ZNF541: variants seen among roughly 807,000 people sequenced by gnomAD.
The protein encoded by ZNF541 is zinc finger protein 541.
In ZNF541, 23 loss-of-function variants were observed where a neutral mutation model predicts 123.5. The ratio of observed to expected loss-of-function variants is 0.19; its 90% CI spans 0.13 to 0.26. ZNF541 has a LOEUF of 0.26. Ranked by LOEUF, ZNF541 falls within the 10% of genes least tolerant of loss-of-function variation. The pLI is 1.00. For missense variants in ZNF541, 1,612 were observed against 1,789.9 expected (o/e 0.90, Z 1.79); for synonymous variants, 751 against 754.5 (o/e 1.00, Z 0.08).
chr19:47,545,500 T>C lies in ZNF541; in HGVS notation c.1029A>G (p.Lys343=). The C allele has an allele frequency of 2.7e-6, 4 of 1,497,666 alleles. No homozygotes were observed. The East Asian group carries it at 9.9e-5, about 37-fold the overall frequency. 92.8% of individuals were successfully genotyped at this position (1,497,666 alleles called of 1,614,324 possible). ...ELPEEPCLPQ[K]EPATDVFTAP... is the part of the protein sequence containing the mutation. The stretch of plus-strand genomic sequence containing the variant: ...CTGTGAACACGTCAGTGGCCGGCTC[T>C]TTCTGTGGGAGGCAAGGCTCCTCGG... Residue 343 remains lysine (K), a synonymous_variant, in exon 5 of 17, where the codon AAA becomes AAG. Coordinates refer to ENST00000391901, the MANE Select transcript of ZNF541 (RefSeq NM_001277075.3). The surrounding 1 kb of genome is among the most constrained non-coding windows in gnomAD (Gnocchi z 7.5).
At chr19:47,550,419 A>G (rs1568508425) in intron 3 of ZNF541, among the ~76,000 whole-genome samples, 1 of 151,558 alleles carries the variant, frequency 6.6e-6, no homozygotes. Flanking sequence ...AAAGGAAAGA[A>G]AAAGAAAAAG....
intron 2 of ZNF541, among the ~76,000 whole-genome samples, chr19:47,569,712 T>C (rs1971405864): frequency 6.7e-6 from 1 of 150,360 alleles, no homozygotes; most frequent in African/African-American, 2.4e-5. Flanking sequence ...CACCCATCTC[T>C]ACAAAAAAAA....
chr19:47,521,365 C>T lies in ZNF541; in HGVS notation c.3900G>A (p.Lys1300=), dbSNP rs1334158579. The change falls in exon 17 of 17, where the codon AAG becomes AAA. Residue 1300 remains lysine (K), a synonymous_variant. Transcript: ENST00000391901. This position sits in a 1 kb window ranked among gnomAD's most constrained non-coding sequence, Gnocchi z 4.2. Reference sequence around the variant, plus strand: ...TCATATGGGCATTTCGACTCTTGATCTTGTCAAACACCCTGAGGAGTCACC... The same window carrying T: ...TCATATGGGCATTTCGACTCTTGATTTTGTCAAACACCCTGAGGAGTCACC... The part of the protein sequence containing the change: ...PCRECERVFD[K]IKSRNAHMKR... The T allele has an allele frequency of 6.4e-7, 1 of 1,551,666 alleles. No homozygotes were observed. Among genetic ancestry groups the T allele is most frequent in the African/African-American group, 1.4e-5 (1 of 73,056 alleles).
At chr19:47,565,495 T>C (rs1356239846) in intron 2 of ZNF541, among the ~76,000 whole-genome samples, 3 of 152,096 alleles carry the variant, frequency 2.0e-5, no homozygotes, top group Non-Finnish European at 2.9e-5. Context: ...ATTTAGTTCA[T>C]AATAATGCCT....
chr19:47,545,005 G>A lies in ZNF541; in HGVS notation c.1524C>T (p.Cys508=). The change falls in exon 5 of 17, where the codon TGC becomes TGT. Residue 508 remains cysteine, a synonymous_variant. Transcript: ENST00000391901. This position sits in a 1 kb window ranked among gnomAD's most constrained non-coding sequence, Gnocchi z 7.5. ...CGGGGTTCTGGCACAGGAAGGAGTC[G>A]CAGTCGACCTTGACCTTCTTGGGGG... ...PCAPKKVKVD[C]DSFLCQNPGE... 6.6e-7 allele frequency: 1 copy of A among 1,519,830 alleles called. No homozygotes were observed. The highest frequency in any genetic ancestry group is 2.5e-5 in the East Asian group (1 of 40,710). 94.1% of individuals were successfully genotyped at this position (1,519,830 alleles called of 1,614,324 possible).
intron 2 of ZNF541, among the ~76,000 whole-genome samples, chr19:47,570,166 C>G (rs759505866): frequency 6.6e-6 from 1 of 151,328 alleles, no homozygotes; most frequent in African/African-American, 2.4e-5. Flanking sequence ...CCCAGCTACT[C>G]GGGAGGCTGA....
At chr19:47,540,847 G>A in intron 6 of ZNF541, 46 bp downstream of exon 6, 1 of 1,539,696 alleles carries the variant, frequency 6.5e-7, no homozygotes, top group Non-Finnish European at 8.8e-7. Flanking sequence ...GAAGGCCAGA[G>A]GACTCCTGCC....
intron 2 of ZNF541, among the ~76,000 whole-genome samples, chr19:47,571,587 C>G (rs1012891153): frequency 6.6e-6 from 1 of 152,202 alleles, no homozygotes; most frequent in Non-Finnish European, 1.5e-5. Flanking sequence ...CACGACAATC[C>G]TTACTTCTTC....
intron 9 of ZNF541, among the ~76,000 whole-genome samples, chr19:47,534,988 T>C (rs917803560): frequency 6.6e-6 from 1 of 151,816 alleles, no homozygotes; most frequent in Non-Finnish European, 1.5e-5. Context: ...TTTTTTTTTT[T>C]CTGTTGCCCA....
chr19:47,566,108 C>T (rs1358066624), intron 2 of ZNF541, among the ~76,000 whole-genome samples: 1 of 151,836 alleles, frequency 6.6e-6, no homozygotes, highest in African/African-American at 2.4e-5. Context: ...ACCCGGGAGG[C>T]GGAGGTTGCA....
Position 47,555,773 on chromosome 19 carries a change from G to A in ZNF541, c.84C>T (p.Asn28=), listed in dbSNP as rs1335246973. ...AATCCCGGTTGAGGGTGTCGCTGCA[G>A]TTGAGCCCTTGGCTCTCTGAAAATG... The part of the protein sequence containing the change: ...LPSFSESQGL[N]CSDTLNRDLG... The change falls in exon 3 of 17, where the codon AAC becomes AAT. Residue 28 remains asparagine, a synonymous_variant. Coordinates refer to ENST00000391901, the MANE Select transcript of ZNF541 (RefSeq NM_001277075.3). 6.4e-7 allele frequency: 1 copy of A among 1,551,724 alleles called. No homozygotes were observed. Among genetic ancestry groups the A allele is most frequent in the South Asian group, 1.2e-5 (1 of 84,066 alleles).
intron 3 of ZNF541, among the ~76,000 whole-genome samples, chr19:47,549,957 A>C (rs1293903111): frequency 1.3e-5 from 2 of 152,198 alleles, no homozygotes. Flanking sequence ...TGTTATAAAC[A>C]ACCTAATATC....
rs763600176 is a variant in ZNF541 at position 47,544,875 on chromosome 19, G to T, written c.1654C>A (p.His552Asn). 9.8e-6 allele frequency: 15 copies of T among 1,536,230 alleles called. No individual in the cohort carries two copies. The highest frequency in any genetic ancestry group is 1.3e-5 in the Non-Finnish European group (15 of 1,146,812). The change falls in exon 5 of 17, where the codon CAC becomes AAC. Residue 552 changes from histidine to asparagine, a missense_variant. Physicochemically the swap from His to Asn is moderately conservative, Grantham distance 68. Around this residue, in one of 5 missense-constraint regions of ZNF541, gnomAD observed 1,080 missense variants for 1,013.8 expected, o/e 1.07. Transcript: ENST00000391901. ...FLKSQEPLVSHEQMQVFQMIT... is the reference protein window; with the variant it reads ...FLKSQEPLVSNEQMQVFQMIT... ...ATCTGGAACACCTGCATCTGCTCGTGGCTCACAAGAGGTTCCTGCGACTTG... is the reference window on the plus strand; with the variant it reads ...ATCTGGAACACCTGCATCTGCTCGTTGCTCACAAGAGGTTCCTGCGACTTG...
In ZNF541 at chr19:47,545,975, C is replaced by T; in HGVS notation, c.554G>A (p.Gly185Glu). The change falls in exon 5 of 17, where the codon GGG (glycine) becomes GAG (glutamate). Residue 185 changes from glycine to glutamate, a missense_variant. Transcript: ENST00000391901. This position sits in a 1 kb window ranked among gnomAD's most constrained non-coding sequence, Gnocchi z 7.5. ...KAFKRQDHLT[G>E]HMLTHQKTKP... The stretch of plus-strand genomic sequence containing the variant: ...TGTCTTCTGGTGGGTGAGCATGTGC[C>T]CGGTCCTGGAGCCAGACACAAGCAG... 6.8e-7 allele frequency: 1 copy of T among 1,474,030 alleles called. No homozygotes were observed. Among genetic ancestry groups the T allele is most frequent in the Non-Finnish European group, 9.1e-7 (1 of 1,104,620 alleles). The allele number at this position is 1,474,030 out of a possible 1,614,324, so 91.3% of individuals were successfully genotyped here. A position where few individuals can be genotyped will look rare whatever the true frequency, so the allele number is the denominator to read the frequency against.
At chr19:47,567,843 AG>A (rs772823429) in intron 2 of ZNF541, among the ~76,000 whole-genome samples, 15 of 152,194 alleles carry the variant, frequency 9.9e-5, no homozygotes, top group Non-Finnish European at 1.8e-4. Flanking sequence ...CTCCAAACTC[AG>A]GCTTAAATGT....
chr19:47,534,190 G>A (rs1268960912), intron 9 of ZNF541, among the ~76,000 whole-genome samples: 1 of 152,182 alleles, frequency 6.6e-6, no homozygotes, highest in Admixed American at 6.5e-5. Context: ...GAGTTGACAG[G>A]AAGAAAATAA....
intron 2 of ZNF541, among the ~76,000 whole-genome samples, 155 bp from the exon 3 acceptor site, chr19:47,556,109 C>T (rs1033950086): frequency 1.3e-5 from 2 of 152,200 alleles, no homozygotes; most frequent in African/African-American, 4.8e-5. Flanking sequence ...GCTCCACGAG[C>T]CCCAGGTGCC....
At chr19:47,528,875 C>T (rs143172978) in intron 14 of ZNF541, 75 bp downstream of exon 14, 17 of 1,295,280 alleles carry the variant, frequency 1.3e-5, no homozygotes, top group Middle Eastern at 2.1e-4. Context: ...CTCCGACCCC[C>T]GACCAGCCCT....
chr19:47,563,456 G>C (rs1971143868), intron 2 of ZNF541, among the ~76,000 whole-genome samples: 2 of 152,128 alleles, frequency 1.3e-5, no homozygotes, highest in Non-Finnish European at 2.9e-5. Context: ...CAAAAAATCA[G>C]GGAGAGGAGT....
Sources: gnomAD v4.1 joint callset for allele counts (sites outside exome capture counted in the v4.1 genomes callset) on GRCh38, gnomAD v4.1.1 for gene constraint, gnomAD v4.1.1 regional missense constraint, Gnocchi (gnomAD v3.1) non-coding constraint, MANE v1.5 for transcripts, NCBI Gene and HGNC (gene_info 2026-07-23, HGNC 2026-07-21) for gene names.